SLC38A8: variants seen among roughly 807,000 people sequenced by gnomAD.
SLC38A8 encodes the protein solute carrier family 38 member 8, also known as amino acid transporter SLC38A8.
In SLC38A8, 65 loss-of-function variants were observed where a neutral mutation model predicts 46.0. The ratio of observed to expected loss-of-function variants is 1.41; its 90% CI spans 1.16 to 1.74. The LOEUF is 1.74. Among genes scored for constraint, SLC38A8 ranks in the 40% most tolerant of loss-of-function variants. SLC38A8 has a pLI of 0.00. For synonymous variants in SLC38A8, 447 were observed against 243.7 expected, an observed-to-expected ratio of 1.83 and a Z score of -7.77; for missense variants, 998 against 567.9, an observed-to-expected ratio of 1.76 and a Z score of -7.70.
intron 6 of SLC38A8, among the ~76,000 whole-genome samples, chr16:84,028,263 G>C (rs1350950382): frequency 6.6e-6 from 1 of 152,038 alleles, no homozygotes; most frequent in Non-Finnish European, 1.5e-5. Flanking sequence ...TTGTTTTTAG[G>C]ACATCGAGGC....
At chr16:84,036,630 C>T in intron 3 of SLC38A8, 72 bp downstream of exon 3, 1 of 1,559,900 alleles carries the variant, frequency 6.4e-7, no homozygotes, top group Non-Finnish European at 8.7e-7. Flanking sequence ...ACGTCCTGCT[C>T]AACTGGAAAC....
Position 84,036,770 on chromosome 16 carries a change from C to G in SLC38A8, c.320G>C (p.Cys107Ser), listed in dbSNP as rs1026742922. 6 of 1,614,108 alleles carry G rather than the reference C, an allele frequency of 3.7e-6. No homozygotes were observed. The highest frequency in any genetic ancestry group is 1.7e-5 in the Admixed American group (1 of 60,016). The change falls in exon 3 of 11, where the codon TGC becomes TCC. Residue 107 changes from cysteine to serine, a missense_variant. Cys to Ser is a moderately radical substitution (Grantham distance 112, BLOSUM62 -1). Transcript: ENST00000299709. ...GPAIGKLCEA[C>S]FLLNLLMISV... ...GATCATGAGCAGGTTGAGGAGGAAG[C>G]AGGCCTCACACAGCTTCCCAATGGC...
chr16:84,035,036 C>T (rs2085286037), intron 3 of SLC38A8, among the ~76,000 whole-genome samples: 1 of 152,196 alleles, frequency 6.6e-6, no homozygotes, highest in Admixed American at 6.5e-5. Flanking sequence ...AGAGGCATCC[C>T]CAAATATCTA....
chr16:84,019,561 G>A (rs2085071801), intron 7 of SLC38A8, among the ~76,000 whole-genome samples: 1 of 152,128 alleles, frequency 6.6e-6, no homozygotes, highest in African/African-American at 2.4e-5. Flanking sequence ...TTTTGGAGGG[G>A]ACAATCAATC....
chr16:84,027,649 G>T (rs1416373147), intron 6 of SLC38A8, among the ~76,000 whole-genome samples: 1 of 152,072 alleles, frequency 6.6e-6, no homozygotes, highest in Non-Finnish European at 1.5e-5. Flanking sequence ...TTCAGATCCT[G>T]GCAGCCCCCA....
chr16:84,028,947 T>A (rs2085202299), intron 6 of SLC38A8, among the ~76,000 whole-genome samples: 1 of 152,060 alleles, frequency 6.6e-6, no homozygotes, highest in African/African-American at 2.4e-5. Context: ...TATAGCCCCG[T>A]CCTCCCTCCC....
intron 4 of SLC38A8, among the ~76,000 whole-genome samples, chr16:84,032,672 G>A (rs62045930): frequency 0.068 from 10,341 of 152,270 alleles, 471 homozygotes; most frequent in East Asian, 0.2. Flanking sequence ...AGCCTTGCAG[G>A]GCAGAGACCT....
intron 6 of SLC38A8, among the ~76,000 whole-genome samples, chr16:84,027,538 T>A (rs1450676533): frequency 2.0e-5 from 3 of 152,132 alleles, no homozygotes; most frequent in Non-Finnish European, 4.4e-5. Context: ...TTGAGTCAGG[T>A]CAGAGTTCCT....
At chr16:84,022,164 G>C (rs11860273) in intron 7 of SLC38A8, among the ~76,000 whole-genome samples, 104,056 of 152,112 alleles carry the variant, frequency 0.68, 37,220 homozygotes, top group African/African-American at 0.89. Context: ...GGCTGCCTGA[G>C]AGATTCACTG....
At chr16:84,038,412 G>C (rs900467594) in intron 2 of SLC38A8, among the ~76,000 whole-genome samples, 40 of 152,140 alleles carry the variant, frequency 2.6e-4, no homozygotes, top group African/African-American at 9.4e-4. Context: ...TGCTATACTT[G>C]CTTTGACTCC....
At chr16:84,010,551 G>A (rs112393911) in intron 10 of SLC38A8, among the ~76,000 whole-genome samples, 1 of 151,936 alleles carries the variant, frequency 6.6e-6, no homozygotes, top group Non-Finnish European at 1.5e-5. Context: ...AGACCAGCCT[G>A]GCCAACATGG....
chr16:84,029,323 G>T (rs17724822), intron 6 of SLC38A8, among the ~76,000 whole-genome samples, 171 bp downstream of exon 6: 1 of 152,044 alleles, frequency 6.6e-6, no homozygotes, highest in Non-Finnish European at 1.5e-5. Flanking sequence ...CCATCCTCAT[G>T]GTCTGGAATG....
Position 84,009,879 on chromosome 16 carries a change from T to C in SLC38A8, c.1215-2A>G. ...ACTCCCCAGACCTCCAGGCAGCACC[T>C]GCCAAGTGAATAAACCCATGTCAGA... On this transcript the variant is annotated splice_acceptor_variant, in intron 10 of 10. Coordinates refer to ENST00000299709, the MANE Select transcript of SLC38A8 (RefSeq NM_001080442.3). LOFTEE classifies it high-confidence loss of function. 1 of 1,612,728 alleles carries C rather than the reference T, an allele frequency of 6.2e-7. No individual in the cohort carries two copies. The highest frequency in any genetic ancestry group is 1.1e-5 in the South Asian group (1 of 90,824).
chr16:84,023,040 T>G (rs1367247218), intron 6 of SLC38A8, 151 bp from the exon 7 acceptor site: 1 of 595,106 alleles, frequency 1.7e-6, no homozygotes, highest in Non-Finnish European at 2.9e-6. Context: ...TAATTCACAG[T>G]ACACCCCCAA....
chr16:84,025,111 A>T (rs1427935227), intron 6 of SLC38A8, among the ~76,000 whole-genome samples: 2 of 152,054 alleles, frequency 1.3e-5, no homozygotes, highest in Admixed American at 1.3e-4. Flanking sequence ...ATGTACAGCC[A>T]GGGCTGGGCA....
chr16:84,014,798 C>G (rs757328923), intron 9 of SLC38A8, among the ~76,000 whole-genome samples: 11 of 152,208 alleles, frequency 7.2e-5, no homozygotes, highest in Non-Finnish European at 1.5e-4. Flanking sequence ...TGCTAAGAAC[C>G]CACTTTTCAT....
intron 2 of SLC38A8, chr16:84,039,818 T>TC (rs2151130301): frequency 7.1e-6 from 1 of 140,476 alleles, no homozygotes; most frequent in South Asian, 2.4e-4. Context: ...GAGCCAGCCA[T>TC]CCCTGGAGGA....
intron 8 of SLC38A8, 75 bp from the exon 9 acceptor site, chr16:84,016,802 C>T: frequency 1.4e-6 from 2 of 1,465,662 alleles, no homozygotes; most frequent in South Asian, 2.5e-5. Context: ...GCTCCCCAGT[C>T]CTCCAGGAGT....
chr16:84,042,222 A>T (rs2085376475), intron 1 of SLC38A8, 63 bp from the exon 2 acceptor site: 1 of 1,518,602 alleles, frequency 6.6e-7, no homozygotes, highest in Admixed American at 2.1e-5. Flanking sequence ...TAAGTTCTCG[A>T]TATCCTTATT....
Sources: gnomAD v4.1 joint callset for allele counts (sites outside exome capture counted in the v4.1 genomes callset) on GRCh38, gnomAD v4.1.1 for gene constraint, MANE v1.5 for transcripts, NCBI Gene and HGNC (gene_info 2026-07-23, HGNC 2026-07-21) for gene names.